The following PTPRM variants were observed in gnomAD, a reference collection of about 807,000 sequenced individuals.
PTPRM encodes receptor-type tyrosine-protein phosphatase mu.
Under a neutral mutation model 186.7 loss-of-function variants are expected in PTPRM, and 47 were observed. The observed-to-expected ratio is 0.25, with a 90% confidence interval of 0.20 to 0.32. PTPRM has a LOEUF of 0.32. Ranked by LOEUF, PTPRM falls within the 10% of genes least tolerant of loss-of-function variation. PTPRM has a pLI of 1.00. For synonymous variants in PTPRM, 668 were observed against 674.9 expected, an observed-to-expected ratio of 0.99 and a Z score of 0.16; for missense variants, 1,494 against 1,865.0, an observed-to-expected ratio of 0.80 and a Z score of 3.66.
intron 2 of PTPRM, among the ~76,000 whole-genome samples, chr18:7,827,720 G>A (rs938843072): frequency 6.6e-5 from 10 of 152,170 alleles, no homozygotes; most frequent in East Asian, 1.9e-4. Flanking sequence ...AAGGCTACTC[G>A]TCATGGTTGA....
Position 8,190,885 on chromosome 18 carries a change from A to G in PTPRM, c.2300+47106A>G, listed in dbSNP as rs139535071. Among the ~76,000 whole-genome samples the G allele has an allele frequency of 1.9e-3, 294 of 152,316 alleles. 1 individual carries two copies. Among genetic ancestry groups the G allele is most frequent in the African/African-American group, 6.7e-3 (279 of 41,574 alleles). ...TACTAGAATGACTTTCCTCTTAATA[A>G]AAAAAATTGTGTGTTGGGGAGGAGT... On this transcript the variant is annotated intron_variant, in intron 14 of 32. Coordinates refer to ENST00000580170, the MANE Select transcript of PTPRM (RefSeq NM_001105244.2).
At chr18:8,067,182 T>C (rs1292648563) in intron 7 of PTPRM, among the ~76,000 whole-genome samples, 7 of 152,150 alleles carry the variant, frequency 4.6e-5, no homozygotes, top group Admixed American at 4.6e-4. Flanking sequence ...AGAACAGTCC[T>C]GTGATGAATA....
chr18:7,868,163 G>T (rs891384407), intron 2 of PTPRM, among the ~76,000 whole-genome samples: 2 of 152,116 alleles, frequency 1.3e-5, no homozygotes, highest in South Asian at 2.1e-4. Context: ...GCTCGGAGGA[G>T]TTCGTTATTA....
At chr18:7,856,641 G>A (rs2047109061) in intron 2 of PTPRM, among the ~76,000 whole-genome samples, 1 of 151,978 alleles carries the variant, frequency 6.6e-6, no homozygotes, top group South Asian at 2.1e-4. Context: ...CTACTCTGGA[G>A]GCTGAGGCAA....
chr18:8,082,837 G>A (rs575312690), intron 9 of PTPRM, among the ~76,000 whole-genome samples: 11 of 151,932 alleles, frequency 7.2e-5, no homozygotes, highest in Admixed American at 2.6e-4. Flanking sequence ...CCTGACTGCC[G>A]TGGGCATTTC....
chr18:7,804,654 A>G, intron 2 of PTPRM, among the ~76,000 whole-genome samples: 1 of 152,230 alleles, frequency 6.6e-6, no homozygotes, highest in East Asian at 1.9e-4. Flanking sequence ...ATTTAAAATC[A>G]GCACAAAGGC....
intron 4 of PTPRM, among the ~76,000 whole-genome samples, chr18:7,924,080 G>A (rs1333704694): frequency 6.6e-6 from 1 of 152,194 alleles, no homozygotes; most frequent in African/African-American, 2.4e-5. Context: ...TCTGAGTCCA[G>A]AAGGCAGCCA....
intron 22 of PTPRM, among the ~76,000 whole-genome samples, chr18:8,323,168 A>T (rs543670243): frequency 1.3e-5 from 2 of 152,172 alleles, no homozygotes; most frequent in Admixed American, 6.5e-5. Context: ...CAAGAGTCAG[A>T]TAACTCAGGG....
chr18:7,890,520 T>C (rs2049018438), intron 3 of PTPRM, among the ~76,000 whole-genome samples: 1 of 152,222 alleles, frequency 6.6e-6, no homozygotes, highest in Admixed American at 6.5e-5. Flanking sequence ...ATGTGTTGTT[T>C]TTTTTTAATG....
At chr18:8,243,626 G>T (rs1286317484) in intron 14 of PTPRM, among the ~76,000 whole-genome samples, 5 of 152,070 alleles carry the variant, frequency 3.3e-5, no homozygotes, top group Non-Finnish European at 5.9e-5. Context: ...TTTCATTTTT[G>T]CTTGGAAAAT....
intron 1 of PTPRM, among the ~76,000 whole-genome samples, chr18:7,676,694 TGCACGC>T (rs1466442178): frequency 5.6e-5 from 8 of 143,190 alleles, no homozygotes; most frequent in South Asian, 2.4e-4. Flanking sequence ...TGTGTGCGCG[TGCACGC>T]GCACGCGCAT....
At chr18:8,216,577 G>A (rs1568540504) in intron 14 of PTPRM, among the ~76,000 whole-genome samples, 2 of 151,966 alleles carry the variant, frequency 1.3e-5, no homozygotes. Flanking sequence ...ATTTATTTTT[G>A]ATCATTTTTC....
chr18:7,660,934 G>A (rs1249754962), intron 1 of PTPRM, among the ~76,000 whole-genome samples: 2 of 151,748 alleles, frequency 1.3e-5, no homozygotes, highest in East Asian at 3.9e-4. Flanking sequence ...TCACGCCATT[G>A]CACTCCAGCC....
At chr18:8,380,481 T>C in intron 29 of PTPRM, 54 bp downstream of exon 29, 1 of 1,604,114 alleles carries the variant, frequency 6.2e-7, no homozygotes, top group Non-Finnish European at 8.5e-7. Flanking sequence ...CAAGTTTGTT[T>C]TTACACTGAG....
rs544344182 is a variant in PTPRM, at chr18:8,084,022, A to C, written c.1552-1649A>C. 8.5e-5 allele frequency among the ~76,000 whole-genome samples: 13 copies of C among 152,296 alleles called. No individual in the cohort carries two copies. In the South Asian group the frequency reaches 2.5e-3, roughly 29 times the overall value. ...AGGCAATAAAATGAATGAGAACACT[A>C]AGCTAGCCACGGTGGGCAGCGTCAG... is the stretch of plus-strand genomic sequence containing the variant. On this transcript the variant is annotated intron_variant, in intron 9 of 32. Coordinates refer to ENST00000580170, the MANE Select transcript of PTPRM (RefSeq NM_001105244.2).
intron 14 of PTPRM, among the ~76,000 whole-genome samples, chr18:8,229,533 T>TA (rs1386824804): frequency 6.6e-6 from 1 of 152,206 alleles, no homozygotes; most frequent in Non-Finnish European, 1.5e-5. Flanking sequence ...GTGTATTTTT[T>TA]ATCTCACATG....
At chr18:8,164,870 A>G (rs1008960546) in intron 14 of PTPRM, among the ~76,000 whole-genome samples, 8 of 145,182 alleles carry the variant, frequency 5.5e-5, no homozygotes, top group Admixed American at 5.0e-4. Context: ...TTTTATTACA[A>G]TAAATATCTT....
Position 8,296,444 on chromosome 18 carries a change from A to G in PTPRM, c.2831A>G (p.Asn944Ser). Residue 944 changes from asparagine to serine, a missense_variant, in exon 20 of 33, where the codon AAT becomes AGT. Physicochemically the swap from Asn to Ser is conservative, Grantham distance 46. Coordinates refer to ENST00000580170, the MANE Select transcript of PTPRM (RefSeq NM_001105244.2). ...DENRMKNRYG[N>S]IIAYDHSRVR... ...AACAGAATGAAGAACAGATACGGGA[A>G]TATCATTGCATGTAAGTGTCAACAG... 3.7e-6 allele frequency: 6 copies of G among 1,603,176 alleles called. No individual in the cohort carries two copies. Among genetic ancestry groups the G allele is most frequent in the African/African-American group, 1.3e-5 (1 of 74,768 alleles).
intron 23 of PTPRM, among the ~76,000 whole-genome samples, chr18:8,351,752 G>A (rs1464239690): frequency 6.6e-6 from 1 of 152,214 alleles, no homozygotes; most frequent in African/African-American, 2.4e-5. Context: ...AGTGTGGCCT[G>A]TGATGATTCC....
Sources: allele counts gnomAD v4.1 joint callset (sites outside exome capture counted in the v4.1 genomes callset), GRCh38; gene constraint gnomAD v4.1.1; transcripts MANE v1.5; gene names NCBI Gene and HGNC (gene_info 2026-07-23, HGNC 2026-07-21).